The following ZNF395 variants were observed in gnomAD, a reference collection of about 807,000 sequenced individuals.
ZNF395 encodes HD gene regulatory region-binding protein 2.
A neutral mutation model predicts 57.7 loss-of-function variants in ZNF395; 20 were observed. The ratio of observed to expected loss-of-function variants is 0.35; its 90% CI spans 0.24 to 0.50. The LOEUF is 0.50. Among genes scored for constraint, ZNF395 ranks in the 20% least tolerant of loss-of-function variants. The pLI is 0.97. For synonymous variants in ZNF395, 295 were observed against 275.9 expected (o/e 1.07, Z -0.69); for missense variants, 606 against 671.2 (o/e 0.90, Z 1.07).
chr8:28,352,756 GCTGCTGTCCCCGGCCTGAC>G lies in ZNF395; in HGVS notation c.820-102_820-84del. The G allele has an allele frequency of 7.9e-7, 1 of 1,264,840 alleles. No individual in the cohort carries two copies. The highest frequency in any genetic ancestry group is 1.2e-5 in the South Asian group (1 of 81,072). The allele number at this position is 1,264,840 out of a possible 1,614,324, so 78.4% of individuals were successfully genotyped here. ...CCTTACCCAGTGGGGACTCAAACTG[GCTGCTGTCCCCGGCCTGAC>G]CCAACAAAAACCTCCAGGAAAGGGG... is the stretch of plus-strand genomic sequence containing the variant. On this transcript the variant is annotated intron_variant, in intron 5 of 9. Coordinates refer to ENST00000344423, the MANE Select transcript of ZNF395 (RefSeq NM_018660.3). The surrounding 1 kb of genome is among the most constrained non-coding windows in gnomAD (Gnocchi z 4.0).
rs1252574963 is a variant in ZNF395 at position 28,351,598 on chromosome 8, G to A, written c.1130C>T (p.Ser377Phe). 1.2e-6 allele frequency: 2 copies of A among 1,613,772 alleles called. No homozygotes were observed. Among genetic ancestry groups the A allele is most frequent in the Non-Finnish European group, 1.7e-6 (2 of 1,180,022 alleles). The change falls in exon 7 of 10, where the codon TCC becomes TTC. Residue 377 changes from serine (S) to phenylalanine (F), a missense_variant. Ser to Phe is a radical substitution (Grantham distance 155). Transcript: ENST00000344423. ...LPPPLHKAQS[S>F]GPEHPGPESS... ...CTCCGGGCCAGGATGTTCTGGGCCG[G>A]AGGACTGGGCTTTGTGCAGAGGTGG...
chr8:28,359,567 A>C lies in ZNF395; in HGVS notation c.473+25T>G. On this transcript the variant is annotated intron_variant, in intron 3 of 9. Transcript: ENST00000344423. This position sits in a 1 kb window ranked among gnomAD's most constrained non-coding sequence, Gnocchi z 4.7. ...CCACACTACCCACGTGACTTTTAAA[A>C]CCCAGTTTCTTCTCCCACACAAACC... The C allele has an allele frequency of 6.4e-7, 1 of 1,559,642 alleles. No homozygotes were observed. The highest frequency in any genetic ancestry group is 8.7e-7 in the Non-Finnish European group (1 of 1,150,130).
chr8:28,359,473 A>T lies in ZNF395; in HGVS notation c.473+119T>A. The stretch of plus-strand genomic sequence containing the variant: ...CCTTTTCTGTGTCCCATTTGTCCCA[A>T]TATCTTGGCACCCAGATGCCAATGA... On this transcript the variant is annotated intron_variant, in intron 3 of 9. Coordinates refer to ENST00000344423, the MANE Select transcript of ZNF395 (RefSeq NM_018660.3). This position sits in a 1 kb window ranked among gnomAD's most constrained non-coding sequence, Gnocchi z 4.7. The T allele has an allele frequency of 2.1e-6, 3 of 1,395,682 alleles. No homozygotes were observed. Among genetic ancestry groups the T allele is most frequent in the Non-Finnish European group, 2.9e-6 (3 of 1,042,658 alleles). The allele number at this position is 1,395,682 out of a possible 1,614,324, so 86.5% of individuals were successfully genotyped here. A position where few individuals can be genotyped will look rare whatever the true frequency, so the allele number is the denominator to read the frequency against.
At position 28,359,651 on chromosome 8, in the gene ZNF395, C is replaced by A. The variant is rs376338766; in HGVS notation, c.414G>T (p.Glu138Asp). Residue 138 changes from glutamate to aspartate, a missense_variant, in exon 3 of 10, where the codon GAG (glutamate) becomes GAT (aspartate). By Grantham distance (45) the Glu-to-Asp change is conservative. Transcript: ENST00000344423. The surrounding 1 kb of genome is among the most constrained non-coding windows in gnomAD (Gnocchi z 4.7). ...TGTAGGCCAGGGCCTGGGCTCCGGG[C>A]TCCAGGGGTGGTGCCTGGGGACAGG... ...QGPCPQAPPL[E>D]PGAQALAYRP... The A allele has an allele frequency of 2.0e-5, 32 of 1,613,600 alleles. No individual in the cohort carries two copies. The African/African-American group carries it at 3.5e-4, about 17-fold the overall frequency.
chr8:28,355,784 T>C (rs977666044), intron 4 of ZNF395, among the ~76,000 whole-genome samples: 5 of 152,248 alleles, frequency 3.3e-5, no homozygotes. Flanking sequence ...AGCCTAGTCA[T>C]TGACAGCTGA....
chr8:28,361,345 GA>G (rs1229306992), intron 1 of ZNF395, among the ~76,000 whole-genome samples, 163 bp from the exon 2 acceptor site: 3 of 152,126 alleles, frequency 2.0e-5, no homozygotes, highest in Non-Finnish European at 4.4e-5. Context: ...AACCACTGAG[GA>G]ATCTGCCTCC....
intron 1 of ZNF395, among the ~76,000 whole-genome samples, chr8:28,382,508 C>T (rs1802121515): frequency 6.6e-6 from 1 of 152,172 alleles, no homozygotes; most frequent in Admixed American, 6.5e-5. Context: ...ACATCTGCAG[C>T]ACCCTGAGAC....
rs372607899 is a variant in ZNF395, at chr8:28,349,178, C to T, written c.1377G>A (p.Ala459=). The T allele has an allele frequency of 5.8e-5, 91 of 1,563,738 alleles. 1 individual carries two copies. The African/African-American group carries it at 7.9e-4, about 14-fold the overall frequency. ...SFSEPQQPAP[A]MKSHLIVTSP... is the part of the protein sequence containing the mutation. ...AAGTGACGATCAGATGAGATTTCAT[C>T]GCAGGTGCTGGCTGCTGGGGCTCGC... The change falls in exon 9 of 10, where the codon GCG becomes GCA. Residue 459 remains alanine (A), a synonymous_variant. Coordinates refer to ENST00000344423, the MANE Select transcript of ZNF395 (RefSeq NM_018660.3).
Position 28,353,281 on chromosome 8 carries a change from G to A in ZNF395, c.711C>T (p.Ala237=). The A allele has an allele frequency of 6.2e-7, 1 of 1,611,006 alleles. No individual in the cohort carries two copies. Among genetic ancestry groups the A allele is most frequent in the Non-Finnish European group, 8.5e-7 (1 of 1,178,432 alleles). The change falls in exon 5 of 10, where the codon GCC becomes GCT. Residue 237 remains alanine (A), a synonymous_variant. Transcript: ENST00000344423. The stretch of plus-strand genomic sequence containing the variant: ...AAGCATCCCCCAAATACTTGGGGCT[G>A]GCCTGGGGGTGGGGGGGCGAGGGGG... ...VSTPSPPHPQ[A]SPKYLGDAFG... is the part of the protein sequence containing the mutation.
Position 28,356,593 on chromosome 8 carries a change from A to T in ZNF395, c.583+77T>A, listed in dbSNP as rs868080041. ...TATTGCCAGGCTGGTGACATAGGCA[A>T]CTAGCTGCTCTGCACAGAGGATGTT... On this transcript the variant is annotated intron_variant, in intron 4 of 9. Coordinates refer to ENST00000344423, the MANE Select transcript of ZNF395 (RefSeq NM_018660.3). This position sits in a 1 kb window ranked among gnomAD's most constrained non-coding sequence, Gnocchi z 4.0. 2 of 1,085,846 alleles carry T rather than the reference A, an allele frequency of 1.8e-6. No individual in the cohort carries two copies. The highest frequency in any genetic ancestry group is 4.4e-4 in the Middle Eastern group (2 of 4,510). 67.3% of individuals were successfully genotyped at this position (1,085,846 alleles called of 1,614,324 possible).
intron 1 of ZNF395, among the ~76,000 whole-genome samples, chr8:28,376,431 T>C (rs1802041198): frequency 6.6e-6 from 1 of 151,908 alleles, no homozygotes; most frequent in Admixed American, 6.6e-5. Flanking sequence ...AGCCTGGCCA[T>C]CATGGTGAAA....
chr8:28,352,792 G>A lies in ZNF395; in HGVS notation c.820-119C>T. On this transcript the variant is annotated intron_variant, in intron 5 of 9. Transcript: ENST00000344423. This position sits in a 1 kb window ranked among gnomAD's most constrained non-coding sequence, Gnocchi z 4.0. ...CGGCCTGACCCAACAAAAACCTCCA[G>A]GAAAGGGGTTCTCTGGGACCAGAGA... 2 of 782,442 alleles carry A rather than the reference G, an allele frequency of 2.6e-6. No homozygotes were observed. The highest frequency in any genetic ancestry group is 4.2e-6 in the Non-Finnish European group (2 of 481,186). 48.5% of individuals were successfully genotyped at this position (782,442 alleles called of 1,614,324 possible).
chr8:28,358,491 A>C (rs1476411904), intron 3 of ZNF395, among the ~76,000 whole-genome samples: 1 of 152,074 alleles, frequency 6.6e-6, no homozygotes. Flanking sequence ...GCTGGAGTGC[A>C]GTGGTGCCAT....
At chr8:28,349,384 G>C (rs1264735419) in intron 8 of ZNF395, among the ~76,000 whole-genome samples, 156 bp from the exon 9 acceptor site, 1 of 152,208 alleles carries the variant, frequency 6.6e-6, no homozygotes, top group East Asian at 1.9e-4. Context: ...CTCTTGGCAG[G>C]AGAGTGAGGA....
At position 28,352,556 on chromosome 8, in the gene ZNF395, C is replaced by T; in HGVS notation, c.920+17G>A. ...CCACACGCGACCCTAGGCTAGAGGC[C>T]CTGGGCTCGCACATACCCCAGATGG... On this transcript the variant is annotated intron_variant, in intron 6 of 9. Coordinates refer to ENST00000344423, the MANE Select transcript of ZNF395 (RefSeq NM_018660.3). This position sits in a 1 kb window ranked among gnomAD's most constrained non-coding sequence, Gnocchi z 4.0. 6.2e-7 allele frequency: 1 copy of T among 1,611,952 alleles called. No individual in the cohort carries two copies. Among genetic ancestry groups the T allele is most frequent in the Non-Finnish European group, 8.5e-7 (1 of 1,178,262 alleles).
intron 1 of ZNF395, among the ~76,000 whole-genome samples, chr8:28,372,195 A>G (rs1353870307): frequency 6.6e-6 from 1 of 152,178 alleles, no homozygotes; most frequent in Non-Finnish European, 1.5e-5. Flanking sequence ...TTAATGAGGC[A>G]ATGAATTTTT....
intron 3 of ZNF395, among the ~76,000 whole-genome samples, chr8:28,358,226 C>T (rs1801806153): frequency 6.8e-6 from 1 of 146,028 alleles, no homozygotes; most frequent in Non-Finnish European, 1.5e-5. Flanking sequence ...TCTCATACCA[C>T]AGCCTCCCAA....
intron 1 of ZNF395, among the ~76,000 whole-genome samples, chr8:28,374,215 G>T (rs556679871): frequency 4.1e-4 from 62 of 152,324 alleles, no homozygotes; most frequent in African/African-American, 1.5e-3. Flanking sequence ...GAGGGAGGGA[G>T]AGGCAATTCA....
At chr8:28,358,832 C>T (rs979258157) in intron 3 of ZNF395, among the ~76,000 whole-genome samples, 6 of 152,202 alleles carry the variant, frequency 3.9e-5, no homozygotes, top group Admixed American at 2.6e-4. Flanking sequence ...TATTGGAGGA[C>T]GGCCATGCCC....
Sources: allele counts gnomAD v4.1 joint callset (sites outside exome capture counted in the v4.1 genomes callset), GRCh38; gene constraint gnomAD v4.1.1; non-coding constraint Gnocchi (gnomAD v3.1); transcripts MANE v1.5; gene names NCBI Gene and HGNC (gene_info 2026-07-23, HGNC 2026-07-21).